The following PASK variants were observed in gnomAD, a reference collection of about 807,000 sequenced individuals.
The protein encoded by PASK is PAS domain-containing serine/threonine-protein kinase.
A neutral mutation model predicts 121.0 loss-of-function variants in PASK; 110 were observed. That is an observed-to-expected ratio of 0.91 (90% CI 0.78 to 1.06). The LOEUF (loss-of-function observed/expected upper bound fraction) is 1.06. PASK is among the 50% of genes least tolerant of loss of function. The probability of loss-of-function intolerance (pLI) is 0.00; values close to 1 mark genes in which losing one functional copy is unlikely to be tolerated. For missense variants in PASK, 1,643 were observed against 1,702.3 expected (o/e 0.97, Z 0.61); for synonymous variants, 686 against 717.8 (o/e 0.96, Z 0.71).
At chr2:241,124,242 G>A (rs2065753513) in intron 10 of PASK, 109 bp from the exon 11 acceptor site, 1 of 896,766 alleles carries the variant, frequency 1.1e-6, no homozygotes, top group Non-Finnish European at 1.8e-6. Context: ...ATCCCCAGCA[G>A]CTTTAAGTTA....
At chr2:241,127,577 G>C (rs1379832757) in intron 9 of PASK, 126 bp from the exon 10 acceptor site, 1 of 809,998 alleles carries the variant, frequency 1.2e-6, no homozygotes, top group Admixed American at 2.1e-5. Context: ...ACAAGAAAAA[G>C]ACCAAATTTT....
chr2:241,116,745 G>A (rs1002519532), intron 12 of PASK, among the ~76,000 whole-genome samples: 4 of 152,194 alleles, frequency 2.6e-5, no homozygotes, highest in Admixed American at 6.5e-5. Context: ...AAATCTGGTC[G>A]CCCAACACAA....
intron 1 of PASK, among the ~76,000 whole-genome samples, chr2:241,144,496 A>G (rs1324260661): frequency 6.6e-6 from 1 of 152,112 alleles, no homozygotes; most frequent in Non-Finnish European, 1.5e-5. Context: ...ACCACACCCC[A>G]TATACCCTCT....
At position 241,140,643 on chromosome 2, in the gene PASK, C is replaced by A. The variant is rs377528813; in HGVS notation, c.307G>T (p.Gly103Cys). Residue 103 changes from glycine to cysteine, a missense_variant, in exon 3 of 18, where the codon GGC becomes TGC. Gly to Cys is a radical substitution (Grantham distance 159). Coordinates refer to ENST00000234040, the MANE Select transcript of PASK (RefSeq NM_015148.4). ...PEHTDPSEPR[G>C]SVSCCSLLRG... ...AGCAGGGAGCAGCAGGACACACTGC[C>A]CCGCGGTTCGGACGGGTCCGTGTGC... 6.2e-7 allele frequency: 1 copy of A among 1,614,022 alleles called. No homozygotes were observed. Among genetic ancestry groups the A allele is most frequent in the Admixed American group, 1.7e-5 (1 of 60,014 alleles).
At chr2:241,136,718 G>C (rs981286134) in intron 7 of PASK, among the ~76,000 whole-genome samples, 1 of 152,178 alleles carries the variant, frequency 6.6e-6, no homozygotes, top group African/African-American at 2.4e-5. Flanking sequence ...ATGAACCCCC[G>C]CAGTTGTGTC....
In PASK at chr2:241,138,761, G is replaced by A; in HGVS notation, c.634C>T (p.Pro212Ser). The change falls in exon 5 of 18, where the codon CCA becomes TCA. Residue 212 changes from proline (P) to serine (S), a missense_variant. By Grantham distance (74) the Pro-to-Ser change is moderately conservative (BLOSUM62 -1). Transcript: ENST00000234040. ...ATCCTCTTCATCCACACAGACACTG[G>A]AATCTTCTCCCCACTACGGCTGATG... Reference protein sequence around the residue: ...DIISRSGEKIPVSVWMKRMRQ... With the variant: ...DIISRSGEKISVSVWMKRMRQ... 1 of 1,614,016 alleles carries A rather than the reference G, an allele frequency of 6.2e-7. No homozygotes were observed. The highest frequency in any genetic ancestry group is 8.5e-7 in the Non-Finnish European group (1 of 1,179,944).
Position 241,149,464 on chromosome 2 carries a change from C to G in PASK, c.-93G>C, listed in dbSNP as rs1483402600. 3.4e-6 allele frequency: 2 copies of G among 596,240 alleles called. No homozygotes were observed. The highest frequency in any genetic ancestry group is 4.0e-5 in the South Asian group (2 of 49,572). The allele number at this position is 596,240 out of a possible 1,614,324, so 36.9% of individuals were successfully genotyped here. The stretch of plus-strand genomic sequence containing the variant: ...GCCGGCTACACACCACGGAAAGGAG[C>G]CCTTCCGCGCTTTTATCCCACCGAC... On this transcript the variant is annotated 5_prime_UTR_variant, in exon 1 of 18. Transcript: ENST00000234040.
intron 12 of PASK, among the ~76,000 whole-genome samples, chr2:241,117,400 C>T (rs987582762): frequency 1.3e-5 from 2 of 152,180 alleles, no homozygotes; most frequent in African/African-American, 4.8e-5. Flanking sequence ...TCCGGGAGGG[C>T]GGGAGCCCTG....
At position 241,135,864 on chromosome 2, in the gene PASK, GTC is replaced by G. The variant is rs1308885644; in HGVS notation, c.1306+5_1306+6del. 3.1e-6 allele frequency: 5 copies of G among 1,613,124 alleles called. No homozygotes were observed. The highest frequency in any genetic ancestry group is 4.2e-6 in the Non-Finnish European group (5 of 1,179,298). ...CAGGCGCATTCAGGAGGAAGAGGAC[GTC>G]TTACCCTGGCCCCCCTCAGCTGGGT... On this transcript the variant is annotated splice_donor_5th_base_variant and intron_variant, in intron 8 of 17. Coordinates refer to ENST00000234040, the MANE Select transcript of PASK (RefSeq NM_015148.4).
At chr2:241,136,676 G>A (rs757250031) in intron 7 of PASK, among the ~76,000 whole-genome samples, 9 of 152,236 alleles carry the variant, frequency 5.9e-5, no homozygotes, top group Admixed American at 3.3e-4. Flanking sequence ...ATTCAGCTTA[G>A]CTACTTTTTA....
chr2:241,145,446 G>A (rs1029838304), intron 1 of PASK, among the ~76,000 whole-genome samples: 5 of 152,112 alleles, frequency 3.3e-5, no homozygotes, highest in African/African-American at 4.8e-5. Flanking sequence ...GCAACAAAGC[G>A]AGACCTGTCA....
At chr2:241,109,926 G>A (rs1452387285) in intron 15 of PASK, 1 of 152,216 alleles carries the variant, frequency 6.6e-6, no homozygotes, top group Non-Finnish European at 1.5e-5. Context: ...AGCTACAGAC[G>A]ACACATAAGC....
In PASK at chr2:241,106,610, G is replaced by C. The variant is rs1168314385; in HGVS notation, c.3928C>G (p.Gln1310Glu). ...GGATCCCCGGGATGCAAACAGCCTT[G>C]GCCATTAGGAGCCTCGCCTGGAACG... Reference protein sequence around the residue: ...GPVPGEAPNGQGCLHPGDPRL... With the variant: ...GPVPGEAPNGEGCLHPGDPRL... Residue 1310 changes from glutamine (Q) to glutamate (E), a missense_variant, in exon 18 of 18, where the codon CAA becomes GAA. By Grantham distance (29) the Gln-to-Glu change is conservative. Around this residue, in one of 3 missense-constraint regions of PASK, gnomAD observed 453 missense variants for 511.2 expected, o/e 0.89. Coordinates refer to ENST00000234040, the MANE Select transcript of PASK (RefSeq NM_015148.4). 1 of 1,614,208 alleles carries C rather than the reference G, an allele frequency of 6.2e-7. No homozygotes were observed. The highest frequency in any genetic ancestry group is 8.5e-7 in the Non-Finnish European group (1 of 1,180,026).
In PASK at chr2:241,124,129, T is replaced by A; in HGVS notation, c.2724A>T (p.Ile908=). 2 of 1,613,668 alleles carry A rather than the reference T, an allele frequency of 1.2e-6. No homozygotes were observed. Among genetic ancestry groups the A allele is most frequent in the Non-Finnish European group, 1.7e-6 (2 of 1,179,710 alleles). ...GCTCCACCCGCCTCACCTCAAACTG[T>A]ATACCTGAAGGGTGAGAAGGTAAGA... The part of the protein sequence containing the change: ...CYHRDGLRLS[I]QFEVRRVELQ... Residue 908 remains isoleucine (I), a synonymous_variant, in exon 11 of 18, where the codon ATA becomes ATT. Coordinates refer to ENST00000234040, the MANE Select transcript of PASK (RefSeq NM_015148.4).
chr2:241,142,814 CT>C, intron 2 of PASK, 22 bp downstream of exon 2: 1 of 1,553,274 alleles, frequency 6.4e-7, no homozygotes. Flanking sequence ...GCGCTAAGGC[CT>C]GCAGTGGTCG....
At chr2:241,124,165 C>G in intron 10 of PASK, 32 bp from the exon 11 acceptor site, 1 of 1,584,166 alleles carries the variant, frequency 6.3e-7, no homozygotes, top group East Asian at 2.2e-5. Context: ...ACGCACAGGC[C>G]TGTGCTGACC....
intron 1 of PASK, among the ~76,000 whole-genome samples, chr2:241,147,816 G>A (rs1447019356): frequency 6.6e-6 from 1 of 152,160 alleles, no homozygotes; most frequent in Non-Finnish European, 1.5e-5. Context: ...GTTTAATTAG[G>A]TTACTGAGAG....
At chr2:241,119,851 G>T (rs1175882239) in intron 12 of PASK, among the ~76,000 whole-genome samples, 2 of 151,924 alleles carry the variant, frequency 1.3e-5, no homozygotes, top group Non-Finnish European at 2.9e-5. Context: ...AGGGCCCTCT[G>T]TCTACACCCT....
chr2:241,108,827 G>A lies in PASK; in HGVS notation c.3534-527C>T, dbSNP rs937260280. 9 of 217,212 alleles carry A rather than the reference G, an allele frequency of 4.1e-5. No individual in the cohort carries two copies. Among genetic ancestry groups the A allele is most frequent in the Non-Finnish European group, 7.5e-5 (8 of 106,912 alleles). The allele number at this position is 217,212 out of a possible 1,614,324, so 13.5% of individuals were successfully genotyped here. ...ACGAGACTGAACAGGGAAAAACACCGAAGGATGAAAGCAAACAAGAAGGAC... is the reference window on the plus strand; with the variant it reads ...ACGAGACTGAACAGGGAAAAACACCAAAGGATGAAAGCAAACAAGAAGGAC... On this transcript the variant is annotated intron_variant, in intron 15 of 17. Coordinates refer to ENST00000234040, the MANE Select transcript of PASK (RefSeq NM_015148.4). This position sits in a 1 kb window ranked among gnomAD's most constrained non-coding sequence, Gnocchi z 5.2.
Sources: gnomAD v4.1 joint callset for allele counts (sites outside exome capture counted in the v4.1 genomes callset) on GRCh38, gnomAD v4.1.1 for gene constraint, gnomAD v4.1.1 regional missense constraint, Gnocchi (gnomAD v3.1) non-coding constraint, MANE v1.5 for transcripts, NCBI Gene and HGNC (gene_info 2026-07-23, HGNC 2026-07-21) for gene names.